Variants in LARGE1 observed in about 807,000 individuals in gnomAD.
LARGE1 encodes LARGE xylosyl- and glucuronyltransferase 1.
A neutral mutation model predicts 87.6 loss-of-function variants in LARGE1; 43 were observed. The observed-to-expected ratio is 0.49, with a 90% CI of 0.38 to 0.63. LARGE1 has a LOEUF of 0.63. Ranked by LOEUF, LARGE1 falls within the 30% of genes least tolerant of loss-of-function variation. LARGE1 has a pLI of 0.00. For synonymous variants in LARGE1, 434 were observed against 394.6 expected (o/e 1.10, Z -1.18); for missense variants, 802 against 1,000.2 (o/e 0.80, Z 2.67).
chr22:33,560,119 C>G (rs572137916), intron 6 of LARGE1, among the ~76,000 whole-genome samples: 4 of 152,288 alleles, frequency 2.6e-5, no homozygotes, highest in African/African-American at 7.2e-5. Context: ...GGTTTCATGA[C>G]TTAAGAAATG....
At chr22:33,256,361 G>C (rs1412904126) in intron 11 of LARGE1, among the ~76,000 whole-genome samples, 3 of 152,186 alleles carry the variant, frequency 2.0e-5, no homozygotes, top group Non-Finnish European at 4.4e-5. Flanking sequence ...AAGTTGAAAA[G>C]AACACAGAGA....
intron 11 of LARGE1, among the ~76,000 whole-genome samples, chr22:33,216,360 G>T (rs1925202063): frequency 6.6e-6 from 1 of 152,138 alleles, no homozygotes; most frequent in Admixed American, 6.5e-5. Context: ...TGGGCGTGGT[G>T]GCTCACGCCT....
chr22:33,089,310 CT>C, the LARGE1 span, among the ~76,000 whole-genome samples: 1 of 119,870 alleles, frequency 8.3e-6, no homozygotes, highest in Non-Finnish European at 1.9e-5. Flanking sequence ...TCCTCTTCTT[CT>C]TCTTTCTTCT....
intron 11 of LARGE1, among the ~76,000 whole-genome samples, chr22:33,181,707 T>C (rs1568962644): frequency 6.6e-6 from 1 of 151,906 alleles, no homozygotes; most frequent in East Asian, 1.9e-4. Context: ...TTTTTGTATT[T>C]TTAGTAGAGA....
intron 1 of LARGE1, among the ~76,000 whole-genome samples, chr22:33,830,442 G>A (rs958673054): frequency 6.6e-6 from 1 of 152,120 alleles, no homozygotes; most frequent in Non-Finnish European, 1.5e-5. Context: ...AGGAGGAAAT[G>A]GTTCAAAGCT....
rs1393875906 is a variant in LARGE1 at position 33,468,156 on chromosome 22, A to G, written c.788-35891T>C. Among the ~76,000 whole-genome samples, 15 of 151,998 alleles carry G rather than the reference A, an allele frequency of 9.9e-5. No individual in the cohort carries two copies. The East Asian group carries it at 2.9e-3, about 29-fold the overall frequency. On this transcript the variant is annotated intron_variant, in intron 6 of 14. Coordinates refer to ENST00000397394, the MANE Select transcript of LARGE1 (RefSeq NM_133642.5). ...GCCTGGTCTCTGTTTTGATCTTGTG[A>G]CTCTTTGATCAGAGCATTCATTCCT...
At chr22:33,906,477 T>G (rs1327579004) in intron 1 of LARGE1, among the ~76,000 whole-genome samples, 1 of 152,180 alleles carries the variant, frequency 6.6e-6, no homozygotes, top group Admixed American at 6.5e-5. Flanking sequence ...GCAAATAACC[T>G]CTCCAAGCCT....
In LARGE1 at chr22:33,891,439, T is replaced by TAAA. The variant is rs34298566; in HGVS notation, c.-83+28553_-83+28555dup. On this transcript the variant is annotated intron_variant, in intron 1 of 14. Coordinates refer to ENST00000397394, the MANE Select transcript of LARGE1 (RefSeq NM_133642.5). ...AAGGCACCATGCTATGTGCTAGCCA[T>TAAA]AAAAAAAAAAAAAACTGTATTGAGA... 6.1e-3 allele frequency among the ~76,000 whole-genome samples: 898 copies of TAAA among 147,856 alleles called. 8 individuals carry two copies. The highest frequency in any genetic ancestry group is 0.056 in the East Asian group (280 of 5,028).
At chr22:33,827,159 G>A (rs1300321212) in intron 1 of LARGE1, among the ~76,000 whole-genome samples, 1 of 151,214 alleles carries the variant, frequency 6.6e-6, no homozygotes, top group Non-Finnish European at 1.5e-5. Context: ...TCAGGAGATC[G>A]AGACCATCCT....
chr22:33,384,502 G>T, intron 7 of LARGE1, among the ~76,000 whole-genome samples, 198 bp from the exon 8 acceptor site: 1 of 124,814 alleles, frequency 8.0e-6, no homozygotes, highest in South Asian at 3.6e-4. Context: ...ACCTGTTTTG[G>T]AGACGAATAC....
chr22:33,089,397 T>TCC, the LARGE1 span, among the ~76,000 whole-genome samples: 2 of 143,992 alleles, frequency 1.4e-5, no homozygotes, highest in Admixed American at 7.1e-5. Context: ...CCTCTTCTTC[T>TCC]TCTTTCTTCT....
chr22:33,284,271 C>T (rs1372206982), intron 12 of LARGE1, among the ~76,000 whole-genome samples: 2 of 152,190 alleles, frequency 1.3e-5, no homozygotes, highest in Non-Finnish European at 2.9e-5. Flanking sequence ...ATGAGAGAAT[C>T]ACCAAACTGG....
intron 11 of LARGE1, among the ~76,000 whole-genome samples, chr22:33,226,753 G>A (rs945413293): frequency 2.7e-5 from 4 of 150,680 alleles, no homozygotes; most frequent in African/African-American, 4.9e-5. Context: ...TTTTTGAGAC[G>A]GAGTCCCGCT....
chr22:33,389,400 C>T (rs2062472222), intron 7 of LARGE1, among the ~76,000 whole-genome samples: 1 of 152,314 alleles, frequency 6.6e-6, no homozygotes, highest in Admixed American at 6.5e-5. Flanking sequence ...AGGCCCCAGG[C>T]CCTACCAAAG....
At chr22:33,481,772 C>A (rs1329353644) in intron 6 of LARGE1, among the ~76,000 whole-genome samples, 1 of 152,114 alleles carries the variant, frequency 6.6e-6, no homozygotes, top group Non-Finnish European at 1.5e-5. Context: ...AGAGCAACTG[C>A]CAACTGAAAC....
At chr22:33,629,064 C>T (rs1051138611) in intron 3 of LARGE1, among the ~76,000 whole-genome samples, 1 of 152,116 alleles carries the variant, frequency 6.6e-6, no homozygotes, top group African/African-American at 2.4e-5. Flanking sequence ...TTTCTGGTAC[C>T]TTTTTTTCAG....
chr22:33,387,541 G>A (rs1241361954), intron 7 of LARGE1, among the ~76,000 whole-genome samples: 2 of 150,658 alleles, frequency 1.3e-5, no homozygotes, highest in Admixed American at 1.3e-4. Flanking sequence ...GGGGGATGGT[G>A]GGAAACTAGA....
chr22:33,649,200 G>C (rs1053369778), intron 3 of LARGE1, among the ~76,000 whole-genome samples: 4 of 152,124 alleles, frequency 2.6e-5, no homozygotes, highest in Admixed American at 1.3e-4. Flanking sequence ...GGCTCTCCTT[G>C]TCCTCCTCCC....
chr22:33,626,187 A>C, intron 4 of LARGE1, 57 bp downstream of exon 4: 1 of 1,472,492 alleles, frequency 6.8e-7, no homozygotes, highest in Non-Finnish European at 9.5e-7. Context: ...TCCCCAAGGA[A>C]ATACACAGGC....
Sources: gnomAD v4.1 joint callset for allele counts (sites outside exome capture counted in the v4.1 genomes callset) on GRCh38, gnomAD v4.1.1 for gene constraint, MANE v1.5 for transcripts, NCBI Gene and HGNC (gene_info 2026-07-23, HGNC 2026-07-21) for gene names.